Variants in GUCA1C observed in about 807,000 individuals in gnomAD.
GUCA1C encodes the protein guanylyl cyclase-activating protein 3.
Under a neutral mutation model 16.2 loss-of-function variants are expected in GUCA1C, and 15 were observed. The ratio of observed to expected loss-of-function variants is 0.93; its 90% confidence interval spans 0.62 to 1.43. The LOEUF (loss-of-function observed/expected upper bound fraction) is 1.43. GUCA1C is among the 40% of genes most tolerant of loss of function. GUCA1C has a pLI of 0.00. For missense variants in GUCA1C, 275 were observed against 244.8 expected, an observed-to-expected ratio of 1.12 and a Z score of -0.82; for synonymous variants, 78 against 85.4, an observed-to-expected ratio of 0.91 and a Z score of 0.48.
chr3:108,910,348 A>AG (rs1300106390), intron 3 of GUCA1C, among the ~76,000 whole-genome samples: 1 of 152,026 alleles, frequency 6.6e-6, no homozygotes, highest in Non-Finnish European at 1.5e-5. Context: ...AATACAAAAA[A>AG]GTAGCCGAGC....
chr3:108,953,769 TCA>T lies in GUCA1C; in HGVS notation c.-9_-8del, dbSNP rs1946924019. 1 of 1,603,430 alleles carries T rather than the reference TCA, an allele frequency of 6.2e-7. No individual in the cohort carries two copies. ...TAGATTTGCCATTCCCCATCTTGACTCACAGTCTACAGCTTTTCCTCAGGTTG... is the reference window on the plus strand; with the variant it reads ...TAGATTTGCCATTCCCCATCTTGACTCAGTCTACAGCTTTTCCTCAGGTTG... On this transcript the variant is annotated 5_prime_UTR_variant, in exon 1 of 4. Coordinates refer to ENST00000261047, the MANE Select transcript of GUCA1C (RefSeq NM_005459.4).
intron 1 of GUCA1C, among the ~76,000 whole-genome samples, chr3:108,939,481 C>A (rs1414597012): frequency 1.3e-5 from 2 of 151,620 alleles, no homozygotes; most frequent in Admixed American, 6.6e-5. Flanking sequence ...CGCCCGCCAC[C>A]ATGCCCGGCT....
chr3:108,952,874 T>A (rs2107323406), intron 1 of GUCA1C, among the ~76,000 whole-genome samples: 1 of 152,242 alleles, frequency 6.6e-6, no homozygotes, highest in East Asian at 1.9e-4. Flanking sequence ...CTCTTTTTTT[T>A]TTCAATTCCA....
intron 1 of GUCA1C, among the ~76,000 whole-genome samples, chr3:108,943,237 T>A (rs2593918): frequency 6.6e-6 from 1 of 151,622 alleles, no homozygotes; most frequent in African/African-American, 2.4e-5. Flanking sequence ...CGAGGGGGAG[T>A]GGGGGCGCTG....
chr3:108,913,709 G>A (rs1049955654), intron 3 of GUCA1C, among the ~76,000 whole-genome samples: 8 of 152,100 alleles, frequency 5.3e-5, no homozygotes, highest in Admixed American at 5.2e-4. Context: ...CTAAGAAATA[G>A]CGATTCATAG....
intron 3 of GUCA1C, among the ~76,000 whole-genome samples, chr3:108,909,306 C>G (rs1046816654): frequency 6.6e-6 from 1 of 152,114 alleles, no homozygotes; most frequent in Non-Finnish European, 1.5e-5. Flanking sequence ...TAGTTAACAG[C>G]AGTCATGAGT....
At chr3:108,948,329 GCCA>G (rs946205230) in intron 1 of GUCA1C, among the ~76,000 whole-genome samples, 7 of 151,976 alleles carry the variant, frequency 4.6e-5, no homozygotes, top group African/African-American at 1.7e-4. Context: ...TCTCTCTCCC[GCCA>G]CCATGTAAAG....
rs144574421 is a variant in GUCA1C, at chr3:108,920,575, A to G, written c.215T>C (p.Val72Ala). 149 of 1,496,342 alleles carry G rather than the reference A, an allele frequency of 1.0e-4. 1 individual carries two copies. In the African/African-American group the frequency reaches 1.7e-3, roughly 17 times the overall value. 92.7% of individuals were successfully genotyped at this position (1,496,342 alleles called of 1,614,324 possible). A position where few individuals can be genotyped will look rare whatever the true frequency, so the allele number is the denominator to read the frequency against. Residue 72 changes from valine (V) to alanine (A), a missense_variant, in exon 2 of 4, where the codon GTT becomes GCT. Physicochemically the swap from Val to Ala is moderately conservative, Grantham distance 64. Transcript: ENST00000261047. ...AGCAGCAATAAACTCCAAAAAGTCA[A>G]CAAATCCATCCTATGGAAAGTAAGA... ...NTFDTNKDGF[V>A]DFLEFIAAVN...
At chr3:108,926,490 G>T (rs949006540) in intron 1 of GUCA1C, among the ~76,000 whole-genome samples, 3 of 151,698 alleles carry the variant, frequency 2.0e-5, no homozygotes, top group Non-Finnish European at 4.4e-5. Flanking sequence ...TGAAGGTCTG[G>T]TTTTTTTTGA....
At chr3:108,927,432 C>CTTTTTTTTTTTTTT (rs55930777) in intron 1 of GUCA1C, among the ~76,000 whole-genome samples, 8 of 128,254 alleles carry the variant, frequency 6.2e-5, no homozygotes, top group South Asian at 2.5e-4. Flanking sequence ...TTTTTTAATT[C>CTTTTTTTTTTTTTT]TTTTTTTTTT....
chr3:108,909,447 G>A (rs769138394), intron 3 of GUCA1C, among the ~76,000 whole-genome samples: 1 of 152,162 alleles, frequency 6.6e-6, no homozygotes, highest in Non-Finnish European at 1.5e-5. Context: ...CAACGGGGTA[G>A]GGAACCTCAA....
rs55930777 is a variant in GUCA1C, at chr3:108,927,432, C to CTTTT, written c.205-6851_205-6848dup. On this transcript the variant is annotated intron_variant, in intron 1 of 3. Transcript: ENST00000261047. ...GAGGTTCTGTTCATTTTTTTTAATTCTTTTTTTTTTTTTTTTGTCTCTGAC... is the reference window on the plus strand; with the variant it reads ...GAGGTTCTGTTCATTTTTTTTAATTCTTTTTTTTTTTTTTTTTTTTGTCTCTGAC... Among the ~76,000 whole-genome samples, 117 of 128,250 alleles carry CTTTT rather than the reference C, an allele frequency of 9.1e-4. 2 individuals are homozygous for CTTTT. The highest frequency in any genetic ancestry group is 3.2e-3 in the African/African-American group (108 of 33,808). 84.1% of individuals were successfully genotyped at this position (128,250 alleles called of 152,430 possible).
At chr3:108,922,576 T>C (rs1946580186) in intron 1 of GUCA1C, among the ~76,000 whole-genome samples, 1 of 152,194 alleles carries the variant, frequency 6.6e-6, no homozygotes, top group African/African-American at 2.4e-5. Flanking sequence ...TTGATTTACA[T>C]TTCCCTGATA....
intron 3 of GUCA1C, among the ~76,000 whole-genome samples, chr3:108,909,750 T>G (rs1358638029): frequency 6.6e-6 from 1 of 152,224 alleles, no homozygotes; most frequent in Non-Finnish European, 1.5e-5. Flanking sequence ...TTTTTTCACT[T>G]TCTTCAAAAC....
At chr3:108,915,737 G>A (rs922338432) in intron 3 of GUCA1C, among the ~76,000 whole-genome samples, 1 of 152,066 alleles carries the variant, frequency 6.6e-6, no homozygotes, top group Non-Finnish European at 1.5e-5. Flanking sequence ...TTCTGCAGTA[G>A]GGAAAACTTG....
Position 108,953,593 on chromosome 3 carries a change from A to G in GUCA1C, c.170T>C (p.Ile57Thr). ...GTCAAAGGTATTATAAACTTGATCA[A>G]TATGTTTATTGGCCTTCTGATTCAG... ...QGLNQKANKH[I>T]DQVYNTFDTN... is the part of the protein sequence containing the mutation. Residue 57 changes from isoleucine to threonine, a missense_variant, in exon 1 of 4, where the codon ATT becomes ACT. Coordinates refer to ENST00000261047, the MANE Select transcript of GUCA1C (RefSeq NM_005459.4). 2.5e-6 allele frequency: 4 copies of G among 1,611,188 alleles called. No individual in the cohort carries two copies. The highest frequency in any genetic ancestry group is 1.7e-4 in the Middle Eastern group (1 of 6,052).
At chr3:108,951,930 T>C (rs573056832) in intron 1 of GUCA1C, among the ~76,000 whole-genome samples, 1 of 152,316 alleles carries the variant, frequency 6.6e-6, no homozygotes, top group Admixed American at 6.5e-5. Flanking sequence ...AGGACTCCTT[T>C]CCACATGTTC....
chr3:108,910,951 A>G (rs916685379), intron 3 of GUCA1C, among the ~76,000 whole-genome samples: 34 of 152,262 alleles, frequency 2.2e-4, no homozygotes, highest in African/African-American at 8.2e-4. Context: ...CACCCGGCCG[A>G]CACATTTCAA....
At chr3:108,925,110 T>TG (rs1325600665) in intron 1 of GUCA1C, among the ~76,000 whole-genome samples, 2 of 152,038 alleles carry the variant, frequency 1.3e-5, no homozygotes, top group African/African-American at 4.8e-5. Flanking sequence ...TTTGTATTTT[T>TG]TTTTTTGTTT....
Sources: allele counts gnomAD v4.1 joint callset (sites outside exome capture counted in the v4.1 genomes callset), GRCh38; gene constraint gnomAD v4.1.1; transcripts MANE v1.5; gene names NCBI Gene and HGNC (gene_info 2026-07-23, HGNC 2026-07-21).